RUBCNL: variants seen among roughly 807,000 people sequenced by gnomAD.
RUBCNL encodes protein associated with UVRAG as autophagy enhancer.
A neutral mutation model predicts 69.5 loss-of-function variants in RUBCNL; 62 were observed. The ratio of observed to expected loss-of-function variants is 0.89; its 90% confidence interval spans 0.73 to 1.10. The LOEUF (loss-of-function observed/expected upper bound fraction) is 1.10, where lower values mean the gene tolerates loss of function less well. RUBCNL is among the 50% of genes least tolerant of loss of function. The pLI is 0.00. For missense variants in RUBCNL, 768 were observed against 798.1 expected (o/e 0.96, Z 0.45); for synonymous variants, 291 against 303.6 (o/e 0.96, Z 0.43).
In RUBCNL at chr13:46,341,488, C is replaced by A. The variant is rs561552721; in HGVS notation, c.*1897G>T. ...CATACTGCAGTTATTTAAATGACCTCATTCTTCCTCAAAATAGAAAATCAA... is the reference window on the plus strand; with the variant it reads ...CATACTGCAGTTATTTAAATGACCTAATTCTTCCTCAAAATAGAAAATCAA... On this transcript the variant is annotated 3_prime_UTR_variant, in exon 15 of 15. Transcript: ENST00000429979. Among the ~76,000 whole-genome samples, 26 of 152,314 alleles carry A rather than the reference C, an allele frequency of 1.7e-4. No individual in the cohort carries two copies. The highest frequency in any genetic ancestry group is 6.0e-4 in the African/African-American group (25 of 41,576).
At chr13:46,385,457 T>C (rs2049218170) in intron 1 of RUBCNL, among the ~76,000 whole-genome samples, 1 of 152,216 alleles carries the variant, frequency 6.6e-6, no homozygotes, top group South Asian at 2.1e-4. Context: ...CACACCATGC[T>C]AAATCTTCCA....
In RUBCNL at chr13:46,368,314, T is replaced by C. The variant is rs188943927; in HGVS notation, c.619-65A>G. On this transcript the variant is annotated intron_variant, in intron 4 of 14. Transcript: ENST00000429979. ...ACTTTTTCATGGAGGGTATATTAGA[T>C]TTGAAAAATCAATATGCTCTATTTA... 12 of 1,509,678 alleles carry C rather than the reference T, an allele frequency of 7.9e-6. No individual in the cohort carries two copies. In the East Asian group the frequency reaches 2.4e-4, roughly 31 times the overall value. 93.5% of individuals were successfully genotyped at this position (1,509,678 alleles called of 1,614,324 possible).
At position 46,368,782 on chromosome 13, in the gene RUBCNL, G is replaced by A. The variant is rs773242496; in HGVS notation, c.569C>T (p.Ser190Leu). ...AAATACCTCTGGTGAGAAGGAATTC[G>A]AAGAAATGGTTCTTCTACTGACTTG... ...AVQVSRRTIS[S>L]NSFSPEVFVL... is the part of the protein sequence containing the mutation. Residue 190 changes from serine (S) to leucine (L), a missense_variant, in exon 4 of 15, where the codon TCG becomes TTG. Transcript: ENST00000429979. The A allele has an allele frequency of 4.3e-6, 7 of 1,613,608 alleles. No homozygotes were observed. The Admixed American group carries it at 5.0e-5, about 12-fold the overall frequency.
At chr13:46,387,560 G>A (rs2049280579), upstream of RUBCNL, 3 of 985,492 alleles carry the variant, frequency 3.0e-6, no homozygotes, top group Non-Finnish European at 3.6e-6. Flanking sequence ...AGACCTGGCA[G>A]AAATGACTTC....
chr13:46,343,808 A>G (rs919213947), intron 14 of RUBCNL, among the ~76,000 whole-genome samples: 23 of 152,106 alleles, frequency 1.5e-4, no homozygotes, highest in African/African-American at 5.3e-4. Context: ...GTGGCTGATA[A>G]CTCTTGGGAA....
At chr13:46,360,703 CCT>C (rs898424777) in intron 8 of RUBCNL, among the ~76,000 whole-genome samples, 6 of 152,188 alleles carry the variant, frequency 3.9e-5, no homozygotes, top group African/African-American at 1.2e-4. Context: ...TTTCCCTACC[CCT>C]GTTTTAGCCT....
At chr13:46,377,864 G>C (rs763231349) in intron 2 of RUBCNL, 26 bp downstream of exon 2, 2 of 1,414,476 alleles carry the variant, frequency 1.4e-6, no homozygotes, top group African/African-American at 1.4e-5. Flanking sequence ...GCAGAGAGAA[G>C]ACAAAAGGCC....
At chr13:46,377,694 A>C (rs985355973) in intron 2 of RUBCNL, among the ~76,000 whole-genome samples, 196 bp downstream of exon 2, 1 of 152,268 alleles carries the variant, frequency 6.6e-6, no homozygotes, top group Non-Finnish European at 1.5e-5. Flanking sequence ...AACAACCGTC[A>C]AAAGCAGGTG....
At chr13:46,356,563 A>G in intron 9 of RUBCNL, 67 bp from the exon 10 acceptor site, 3 of 1,366,590 alleles carry the variant, frequency 2.2e-6, no homozygotes, top group Non-Finnish European at 3.1e-6. Flanking sequence ...CACTAATTAG[A>G]AAAGAAATTG....
chr13:46,380,367 T>A (rs1180424509), intron 1 of RUBCNL, among the ~76,000 whole-genome samples: 1 of 152,224 alleles, frequency 6.6e-6, no homozygotes, highest in Non-Finnish European at 1.5e-5. Context: ...GGTGTTATTA[T>A]GCCAAGTTGA....
chr13:46,353,921 A>C (rs1323530920), intron 10 of RUBCNL, among the ~76,000 whole-genome samples: 1 of 152,250 alleles, frequency 6.6e-6, no homozygotes, highest in Non-Finnish European at 1.5e-5. Flanking sequence ...TTAAATAGCC[A>C]GGTGGACTAG....
At chr13:46,345,215 G>T (rs1350941002) in intron 13 of RUBCNL, among the ~76,000 whole-genome samples, 1 of 152,182 alleles carries the variant, frequency 6.6e-6, no homozygotes, top group African/African-American at 2.4e-5. Flanking sequence ...GCCCTGAGCA[G>T]AACTGGGCAC....
rs780209114 is a variant in RUBCNL, at chr13:46,368,812, G to A, written c.539C>T (p.Ala180Val). Residue 180 changes from alanine to valine, a missense_variant, in exon 4 of 15, where the codon GCT becomes GTT. Ala to Val is a moderately conservative substitution (Grantham distance 64). Transcript: ENST00000429979. ...SHLTSAADEGAVQVSRRTISS... is the reference protein window; with the variant it reads ...SHLTSAADEGVVQVSRRTISS... ...AATGGTTCTTCTACTGACTTGAACA[G>A]CACCTGCCAATATAGCAAATTGTTA... is the stretch of plus-strand genomic sequence containing the variant. The A allele has an allele frequency of 1.2e-5, 19 of 1,609,648 alleles. No individual in the cohort carries two copies. The highest frequency in any genetic ancestry group is 1.6e-5 in the Non-Finnish European group (19 of 1,178,236).
chr13:46,343,414 G>A lies in RUBCNL; in HGVS notation c.1960C>T (p.Leu654=), dbSNP rs915360343. The change falls in exon 15 of 15, where the codon CTG becomes TTG. Residue 654 remains leucine, a synonymous_variant. Transcript: ENST00000429979. ...CARITARRKL[L]ESVASAAT is the part of the protein sequence containing the mutation. ...GTTGCTGCAGAGGCCACACTTTCCA[G>A]AAGTTTTCTCCTCGCTGTGATCCTC... The A allele has an allele frequency of 4.3e-6, 7 of 1,613,832 alleles. No homozygotes were observed. The highest frequency in any genetic ancestry group is 5.9e-6 in the Non-Finnish European group (7 of 1,179,842).
In RUBCNL at chr13:46,337,872, G is replaced by A. The variant is rs1293750658; in HGVS notation, c.*5513C>T. On this transcript the variant is annotated 3_prime_UTR_variant, in exon 15 of 15. Transcript: ENST00000429979. ...ATTTCAAACAATCACTCAGGGAGCTGGGTAGGGCCCTCAGGAATGTGGACC... is the reference window on the plus strand; with the variant it reads ...ATTTCAAACAATCACTCAGGGAGCTAGGTAGGGCCCTCAGGAATGTGGACC... Among the ~76,000 whole-genome samples the A allele has an allele frequency of 6.6e-6, 1 of 152,196 alleles. No individual in the cohort carries two copies. Among genetic ancestry groups the A allele is most frequent in the African/African-American group, 2.4e-5 (1 of 41,452 alleles).
intron 5 of RUBCNL, among the ~76,000 whole-genome samples, chr13:46,367,228 A>G (rs912078398): frequency 1.3e-5 from 2 of 152,176 alleles, no homozygotes; most frequent in African/African-American, 4.8e-5. Flanking sequence ...TCTGTTCTAC[A>G]GGTTACCCCA....
rs2048141397 is a variant in RUBCNL at position 46,341,411 on chromosome 13, G to A, written c.*1974C>T. Among the ~76,000 whole-genome samples the A allele has an allele frequency of 6.6e-6, 1 of 152,124 alleles. No individual in the cohort carries two copies. The highest frequency in any genetic ancestry group is 1.5e-5 in the Non-Finnish European group (1 of 68,008). On this transcript the variant is annotated 3_prime_UTR_variant, in exon 15 of 15. Coordinates refer to ENST00000429979, the MANE Select transcript of RUBCNL (RefSeq NM_025113.5). Reference sequence around the variant, plus strand: ...CACTTCCCTAACAGGTGCCTTCCTGGGAAGAAGCCTCTATTATCACATTGG... The same window carrying A: ...CACTTCCCTAACAGGTGCCTTCCTGAGAAGAAGCCTCTATTATCACATTGG...
intron 12 of RUBCNL, among the ~76,000 whole-genome samples, chr13:46,346,456 C>A (rs189092089): frequency 6.6e-6 from 1 of 152,188 alleles, no homozygotes; most frequent in African/African-American, 2.4e-5. Context: ...TCCTCATGGT[C>A]CCCCGACACG....
At chr13:46,385,088 G>A (rs1333951778) in intron 1 of RUBCNL, among the ~76,000 whole-genome samples, 1 of 152,154 alleles carries the variant, frequency 6.6e-6, no homozygotes, top group African/African-American at 2.4e-5. Context: ...GTGATTTTGA[G>A]CAATGCTCTT....
Sources: allele counts gnomAD v4.1 joint callset (sites outside exome capture counted in the v4.1 genomes callset), GRCh38; gene constraint gnomAD v4.1.1; transcripts MANE v1.5; gene names NCBI Gene and HGNC (gene_info 2026-07-23, HGNC 2026-07-21).